The following CDH13 variants were observed in gnomAD, a reference collection of about 807,000 sequenced individuals.
The protein encoded by CDH13 is cadherin 13.
A neutral mutation model predicts 63.8 loss-of-function variants in CDH13; 24 were observed. The ratio of observed to expected loss-of-function variants is 0.38; its 90% CI spans 0.27 to 0.53. The LOEUF is 0.53. Among genes scored for constraint, CDH13 ranks in the 20% least tolerant of loss-of-function variants. The probability of loss-of-function intolerance (pLI) is 0.85; values close to 1 mark genes in which losing one functional copy is unlikely to be tolerated. For missense variants in CDH13, 1,049 were observed against 903.1 expected, an observed-to-expected ratio of 1.16 and a Z score of -2.07; for synonymous variants, 503 against 355.3, an observed-to-expected ratio of 1.42 and a Z score of -4.67.
At chr16:82,658,068 T>G (rs1406555172) in intron 1 of CDH13, among the ~76,000 whole-genome samples, 1 of 152,238 alleles carries the variant, frequency 6.6e-6, no homozygotes, top group East Asian at 1.9e-4. Flanking sequence ...TGTTCTTTAT[T>G]AAGTTGAAGA....
intron 3 of CDH13, among the ~76,000 whole-genome samples, chr16:83,039,041 A>C (rs1224287730): frequency 1.3e-5 from 2 of 152,344 alleles, no homozygotes; most frequent in East Asian, 3.9e-4. Context: ...CACACTAAAC[A>C]GTGGTAGAAT....
intron 11 of CDH13, among the ~76,000 whole-genome samples, chr16:83,753,275 G>A (rs1913238533): frequency 6.6e-6 from 1 of 152,136 alleles, no homozygotes; most frequent in African/African-American, 2.4e-5. Context: ...CAAGCAAGGT[G>A]GCTTACACCT....
At chr16:83,411,655 T>TG (rs1227646227) in intron 6 of CDH13, among the ~76,000 whole-genome samples, 2 of 152,258 alleles carry the variant, frequency 1.3e-5, no homozygotes, top group Admixed American at 6.5e-5. Flanking sequence ...ACCATTTTTA[T>TG]GCCCTTATAG....
intron 5 of CDH13, among the ~76,000 whole-genome samples, chr16:83,280,034 A>C (rs2089117830): frequency 6.6e-6 from 1 of 152,234 alleles, no homozygotes; most frequent in African/African-American, 2.4e-5. Flanking sequence ...TGATGGCTGC[A>C]GATTGATCAG....
intron 6 of CDH13, among the ~76,000 whole-genome samples, chr16:83,438,088 T>G (rs1176635559): frequency 6.6e-6 from 1 of 152,184 alleles, no homozygotes; most frequent in East Asian, 1.9e-4. Flanking sequence ...ATGATGCCAC[T>G]GTCCTGCTCA....
intron 9 of CDH13, among the ~76,000 whole-genome samples, chr16:83,677,158 G>A (rs1430729026): frequency 1.3e-5 from 2 of 152,204 alleles, no homozygotes; most frequent in Non-Finnish European, 1.5e-5. Context: ...GACCCACTCT[G>A]GGAAATGCTG....
chr16:83,726,479 ACT>A (rs1172811340), intron 10 of CDH13: 1 of 152,050 alleles, frequency 6.6e-6, no homozygotes, highest in Non-Finnish European at 1.5e-5. Flanking sequence ...TGCAGGGGAG[ACT>A]CTGCACGTCT....
intron 7 of CDH13, among the ~76,000 whole-genome samples, chr16:83,566,174 G>A (rs1474031808): frequency 6.6e-6 from 1 of 152,126 alleles, no homozygotes; most frequent in African/African-American, 2.4e-5. Context: ...ATTTCTTGGG[G>A]ATGTCCAGGC....
rs116307934 is a variant in CDH13, at chr16:83,371,895, A to C, written c.781+26889A>C. Among the ~76,000 whole-genome samples the C allele has an allele frequency of 2.5e-3, 378 of 152,294 alleles. 2 individuals carry two copies. The highest frequency in any genetic ancestry group is 8.5e-3 in the African/African-American group (353 of 41,566). ...GCAATGTATTTAAAGGAACAAGAAC[A>C]TTGTCCAGAAAAAAAATAGGTGTTT... On this transcript the variant is annotated intron_variant, in intron 6 of 13. Transcript: ENST00000567109.
At chr16:83,659,708 G>T (rs1282817326) in intron 8 of CDH13, among the ~76,000 whole-genome samples, 1 of 151,608 alleles carries the variant, frequency 6.6e-6, no homozygotes, top group African/African-American at 2.4e-5. Context: ...CCTTTTCTCA[G>T]ATAAGTGAAC....
chr16:82,942,675 C>A (rs1904305580), intron 2 of CDH13, among the ~76,000 whole-genome samples: 1 of 152,024 alleles, frequency 6.6e-6, no homozygotes, highest in African/African-American at 2.4e-5. Flanking sequence ...TAGATAACAA[C>A]AATAAAAGAA....
intron 1 of CDH13, among the ~76,000 whole-genome samples, chr16:82,837,065 C>G (rs1169083854): frequency 6.6e-6 from 1 of 152,172 alleles, no homozygotes; most frequent in South Asian, 2.1e-4. Flanking sequence ...AAATGGGCAA[C>G]CCATCGAGGT....
chr16:83,226,010 T>A (rs1410745919), intron 5 of CDH13, among the ~76,000 whole-genome samples: 6 of 152,172 alleles, frequency 3.9e-5, no homozygotes, highest in African/African-American at 1.4e-4. Context: ...TTCTAATGCC[T>A]CCTTGGACAC....
chr16:83,010,764 A>G (rs562676595), intron 2 of CDH13, among the ~76,000 whole-genome samples: 1 of 152,300 alleles, frequency 6.6e-6, no homozygotes, highest in East Asian at 1.9e-4. Flanking sequence ...TTGTGAACCT[A>G]TGATTAGAAA....
At chr16:83,370,310 C>A (rs868857203) in intron 6 of CDH13, among the ~76,000 whole-genome samples, 1 of 151,610 alleles carries the variant, frequency 6.6e-6, no homozygotes, top group Non-Finnish European at 1.5e-5. Flanking sequence ...ATGGTGTGAA[C>A]CCGGGAGGTG....
chr16:82,661,102 ATGT>A (rs1911891052), intron 1 of CDH13, among the ~76,000 whole-genome samples: 1 of 152,178 alleles, frequency 6.6e-6, no homozygotes, highest in Non-Finnish European at 1.5e-5. Flanking sequence ...GGCCGGTGTG[ATGT>A]TTCATGCTGG....
At chr16:82,833,576 G>C (rs879835584) in intron 1 of CDH13, among the ~76,000 whole-genome samples, 1 of 152,192 alleles carries the variant, frequency 6.6e-6, no homozygotes, top group Non-Finnish European at 1.5e-5. Flanking sequence ...CCATTCCAGG[G>C]CTTTCCATTG....
At chr16:83,107,679 TTCTC>T (rs1597349663) in intron 3 of CDH13, among the ~76,000 whole-genome samples, 2 of 151,972 alleles carry the variant, frequency 1.3e-5, no homozygotes, top group African/African-American at 4.8e-5. Context: ...TGAATTCTCT[TTCTC>T]TCTGTGTATT....
intron 10 of CDH13, among the ~76,000 whole-genome samples, chr16:83,694,766 G>A (rs143628970): frequency 2.0e-4 from 30 of 152,308 alleles, no homozygotes; most frequent in Non-Finnish European, 4.0e-4. Context: ...CAGGGCAAGA[G>A]AAGGCACTCT....
Sources: gnomAD v4.1 joint callset for allele counts (sites outside exome capture counted in the v4.1 genomes callset) on GRCh38, gnomAD v4.1.1 for gene constraint, MANE v1.5 for transcripts, NCBI Gene and HGNC (gene_info 2026-07-23, HGNC 2026-07-21) for gene names.